Variants in COL4A4 observed in about 807,000 individuals in gnomAD.
The protein encoded by COL4A4 is collagen type IV alpha 4 chain, also known as collagen alpha-4(IV) chain.
COL4A4 carries 105 observed loss-of-function variants against 192.9 expected under a neutral mutation model. The observed-to-expected ratio is 0.54, with a 90% CI of 0.46 to 0.64. The LOEUF (loss-of-function observed/expected upper bound fraction) is 0.64. Among genes scored for constraint, COL4A4 ranks in the 30% least tolerant of loss-of-function variants. COL4A4 has a pLI of 0.00. For missense variants in COL4A4, 1,967 were observed against 2,169.3 expected (o/e 0.91, Z 1.85); for synonymous variants, 762 against 769.9 (o/e 0.99, Z 0.17).
rs1460558160 is a variant in COL4A4, at chr2:227,005,165, G to T, written c.*2160C>A. ...CTGATACCTTCCCAAGCTCACTGTG[G>T]AGTAAACTGTCTACATAATTTAGCC... On this transcript the variant is annotated 3_prime_UTR_variant, in exon 48 of 48. Transcript: ENST00000396625. 6.6e-6 allele frequency: 1 copy of T among 151,362 alleles called. No homozygotes were observed. Among genetic ancestry groups the T allele is most frequent in the African/African-American group, 2.4e-5 (1 of 41,250 alleles). 9.4% of individuals were successfully genotyped at this position (151,362 alleles called of 1,614,324 possible).
chr2:227,088,080 A>G (rs2059698391), intron 22 of COL4A4, among the ~76,000 whole-genome samples: 1 of 152,254 alleles, frequency 6.6e-6, no homozygotes, highest in South Asian at 2.1e-4. Context: ...CATAGCAGGC[A>G]CTTAACAATA....
intron 24 of COL4A4, among the ~76,000 whole-genome samples, chr2:227,078,794 T>C (rs2059172985): frequency 6.6e-6 from 1 of 152,218 alleles, no homozygotes. Context: ...CCCCTGTGGG[T>C]AAAAGCCTAG....
intron 22 of COL4A4, among the ~76,000 whole-genome samples, chr2:227,084,950 G>A (rs1032346274): frequency 1.3e-5 from 2 of 152,184 alleles, no homozygotes; most frequent in Admixed American, 1.3e-4. Flanking sequence ...TGACCAAAAA[G>A]GTGAAACCCT....
At chr2:227,050,029 A>G (rs1341624951) in intron 34 of COL4A4, 39 bp downstream of exon 34, 2 of 1,572,772 alleles carry the variant, frequency 1.3e-6, no homozygotes, top group Non-Finnish European at 1.8e-6. Context: ...ATTCGGGACT[A>G]TGCATTTGAC....
intron 7 of COL4A4, among the ~76,000 whole-genome samples, chr2:227,116,388 T>C (rs2061495238): frequency 1.3e-5 from 2 of 152,150 alleles, no homozygotes; most frequent in African/African-American, 4.8e-5. Flanking sequence ...AATGGGTCAG[T>C]TTCAATGATT....
intron 37 of COL4A4, among the ~76,000 whole-genome samples, chr2:227,040,507 A>T (rs1175615949): frequency 6.6e-6 from 1 of 152,212 alleles, no homozygotes; most frequent in Non-Finnish European, 1.5e-5. Context: ...AACAAATGTG[A>T]TACAACGTAA....
intron 7 of COL4A4, among the ~76,000 whole-genome samples, chr2:227,115,037 C>T (rs1179596613): frequency 1.3e-5 from 2 of 151,538 alleles, no homozygotes; most frequent in Admixed American, 1.3e-4. Context: ...GCCCTAGAAA[C>T]AGTAAAACGT....
At chr2:227,106,003 G>A (rs1224322413) in intron 12 of COL4A4, among the ~76,000 whole-genome samples, 2 of 150,152 alleles carry the variant, frequency 1.3e-5, no homozygotes, top group African/African-American at 4.9e-5. Context: ...AACTACTAAT[G>A]CTTTTGATAG....
At chr2:227,069,674 A>G (rs1471517730) in intron 25 of COL4A4, among the ~76,000 whole-genome samples, 1 of 152,250 alleles carries the variant, frequency 6.6e-6, no homozygotes, top group East Asian at 1.9e-4. Context: ...ATACGTAGAA[A>G]GCTGAAACCA....
intron 1 of COL4A4, among the ~76,000 whole-genome samples, chr2:227,160,934 A>G (rs1325404697): frequency 2.0e-5 from 3 of 152,232 alleles, no homozygotes; most frequent in African/African-American, 7.2e-5. Context: ...GGAAAAGAGA[A>G]AGTTCTTAAA....
intron 4 of COL4A4, among the ~76,000 whole-genome samples, chr2:227,131,755 A>G (rs35817301): frequency 0.35 from 52,994 of 152,084 alleles, 9,792 homozygotes; most frequent in Non-Finnish European, 0.41. Flanking sequence ...GGTGGGCCCT[A>G]AATGCTACTA....
the COL4A4 span, among the ~76,000 whole-genome samples, chr2:226,990,549 T>G: frequency 6.6e-6 from 1 of 152,188 alleles, no homozygotes; most frequent in Non-Finnish European, 1.5e-5. Context: ...CATCTCTATT[T>G]ACATGGATGG....
At position 227,147,445 on chromosome 2, in the gene COL4A4, G is replaced by C; in HGVS notation, c.39C>G (p.Phe13Leu). The change falls in exon 2 of 48, where the codon TTC becomes TTG. Residue 13 changes from phenylalanine (F) to leucine (L), a missense_variant. Transcript: ENST00000396625. ...CTGTGGCCAAGGACTTGGTCAATCT[G>C]AAGGAGCACCTCATTAGTACTATGT... is the stretch of plus-strand genomic sequence containing the variant. Reference protein sequence around the residue: ...SLHIVLMRCSFRLTKSLATGP... With the variant: ...SLHIVLMRCSLRLTKSLATGP... 6.2e-7 allele frequency: 1 copy of C among 1,613,896 alleles called. No individual in the cohort carries two copies.
intron 1 of COL4A4, among the ~76,000 whole-genome samples, chr2:227,148,244 C>T (rs967012220): frequency 6.6e-6 from 1 of 152,168 alleles, no homozygotes; most frequent in Non-Finnish European, 1.5e-5. Flanking sequence ...AGAAGGTGAA[C>T]ACAACCCGCA....
chr2:227,160,079 T>C (rs193289086), intron 1 of COL4A4, among the ~76,000 whole-genome samples: 71 of 152,080 alleles, frequency 4.7e-4, no homozygotes, highest in Admixed American at 1.5e-3. Context: ...GCAGAGGCAA[T>C]AGTAAATACG....
chr2:227,078,235 T>C lies in COL4A4; in HGVS notation c.1804-158A>G, dbSNP rs7588113. Among the ~76,000 whole-genome samples, 98,401 of 152,004 alleles carry C rather than the reference T, an allele frequency of 0.65. 32,467 individuals are homozygous for C. Among genetic ancestry groups the C allele is most frequent in the African/African-American group, 0.77 (31,960 of 41,470 alleles). On this transcript the variant is annotated intron_variant, in intron 24 of 47. Transcript: ENST00000396625. Reference sequence around the variant, plus strand: ...TTTAAAATAAATAACTTAGATACTTTTTAATATTTTAAATATATATATATA... The same window carrying C: ...TTTAAAATAAATAACTTAGATACTTCTTAATATTTTAAATATATATATATA...
At chr2:227,131,741 T>G (rs1464608076) in intron 4 of COL4A4, among the ~76,000 whole-genome samples, 1 of 152,178 alleles carries the variant, frequency 6.6e-6, no homozygotes, top group Non-Finnish European at 1.5e-5. Flanking sequence ...TCCTGGGTGA[T>G]TTAGGTGGGC....
At chr2:227,020,181 T>C (rs1393455574) in intron 44 of COL4A4, among the ~76,000 whole-genome samples, 5 of 152,188 alleles carry the variant, frequency 3.3e-5, no homozygotes, top group African/African-American at 7.2e-5. Context: ...AACCCAGTTA[T>C]AGGTCACGTC....
At chr2:227,109,609 T>C in intron 9 of COL4A4, 1 of 413,036 alleles carries the variant, frequency 2.4e-6, no homozygotes, top group South Asian at 2.0e-5. Context: ...TAGATGGGCG[T>C]GGTGGCAGGC....
Sources: gnomAD v4.1 joint callset for allele counts (sites outside exome capture counted in the v4.1 genomes callset) on GRCh38, gnomAD v4.1.1 for gene constraint, MANE v1.5 for transcripts, NCBI Gene and HGNC (gene_info 2026-07-23, HGNC 2026-07-21) for gene names.